Variants in ERICH2 observed in about 807,000 individuals in gnomAD.
ERICH2 encodes glutamate rich 2, also known as glutamate-rich protein 2.
ERICH2 carries 17 observed loss-of-function variants against 17.4 expected under a neutral mutation model. That is an observed-to-expected ratio of 0.98 (90% CI 0.67 to 1.47). ERICH2 has a LOEUF of 1.47. Among genes scored for constraint, ERICH2 ranks in the 40% most tolerant of loss-of-function variants. The pLI, the probability that ERICH2 is intolerant of heterozygous loss-of-function variation, is 0.00. For synonymous variants in ERICH2, 51 were observed against 61.1 expected (o/e 0.83, Z 0.77); for missense variants, 186 against 183.2 (o/e 1.01, Z -0.09).
In ERICH2 at chr2:170,784,969, G is replaced by A. The variant is rs542408980; in HGVS notation, c.216+136G>A. ...GCAGAACATAGAATGGTGGTTACCA[G>A]AAGCTGGACGGGAAGAAGGGAGATA... is the stretch of plus-strand genomic sequence containing the variant. On this transcript the variant is annotated intron_variant, in intron 2 of 4. Coordinates refer to ENST00000409885, the Ensembl canonical transcript of ERICH2. The A allele has an allele frequency of 1.9e-4, 126 of 675,502 alleles. 1 individual carries two copies. The East Asian group carries it at 2.4e-3, about 13-fold the overall frequency. 41.8% of individuals were successfully genotyped at this position (675,502 alleles called of 1,614,324 possible). A position where few individuals can be genotyped will look rare whatever the true frequency, so the allele number is the denominator to read the frequency against.
intron 2 of ERICH2, among the ~76,000 whole-genome samples, chr2:170,790,111 G>C (rs534937513): frequency 6.6e-6 from 1 of 152,088 alleles, no homozygotes; most frequent in East Asian, 1.9e-4. Flanking sequence ...AATTAAACTA[G>C]GCATTAACAA....
chr2:170,798,188 G>A (rs1701475718), intron 4 of ERICH2, 76 bp downstream of exon 9: 5 of 975,686 alleles, frequency 5.1e-6, no homozygotes, highest in Middle Eastern at 4.4e-4. Flanking sequence ...TATCCCGGGA[G>A]ATTGTCGATA....
chr2:170,772,335 A>C, the ERICH2 span, among the ~76,000 whole-genome samples: 1 of 152,332 alleles, frequency 6.6e-6, no homozygotes, highest in South Asian at 2.1e-4. Flanking sequence ...ACAATAGTAT[A>C]GGAGGAGGAG....
chr2:170,797,093 G>T (rs1207467349), intron 3 of ERICH2, among the ~76,000 whole-genome samples: 1 of 152,158 alleles, frequency 6.6e-6, no homozygotes, highest in African/African-American at 2.4e-5. Flanking sequence ...AAAACAATGG[G>T]TCCAATGAAG....
chr2:170,794,105 CTTTTTTTTTT>C (rs59152667), intron 3 of ERICH2, among the ~76,000 whole-genome samples: 29 of 88,170 alleles, frequency 3.3e-4, no homozygotes, highest in East Asian at 3.5e-4. Context: ...TCCTTTCTTT[CTTTTTTTTTT>C]TTTTTTTTTT....
chr2:170,771,892 T>A, the ERICH2 span, among the ~76,000 whole-genome samples: 72 of 152,224 alleles, frequency 4.7e-4, no homozygotes, highest in Non-Finnish European at 1.6e-4. The surrounding 1 kb of genome is among the most constrained non-coding windows in gnomAD (Gnocchi z 4.8). Flanking sequence ...CTTGGCTGAA[T>A]CTTATTTTTA....
chr2:170,772,450 T>A, the ERICH2 span, among the ~76,000 whole-genome samples: 1 of 152,320 alleles, frequency 6.6e-6, no homozygotes, highest in South Asian at 2.1e-4. Context: ...TAGGTGGTGT[T>A]TTTATCCACA....
At chr2:170,797,795 GAAAA>G (rs767126097) in intron 3 of ERICH2, among the ~76,000 whole-genome samples, 3,842 of 141,762 alleles carry the variant, frequency 0.027, 188 homozygotes, top group African/African-American at 0.095. Context: ...CTGTCTCAGG[GAAAA>G]AAAAAAAAAA....
intron 2 of ERICH2, among the ~76,000 whole-genome samples, chr2:170,790,376 C>A (rs1329299182): frequency 6.6e-6 from 1 of 152,180 alleles, no homozygotes; most frequent in African/African-American, 2.4e-5. Context: ...CCTGTAATCC[C>A]AGCACTTTGG....
intron 4 of ERICH2, 101 bp downstream of exon 9, chr2:170,798,213 G>C (rs1011600707): frequency 9.5e-6 from 8 of 838,016 alleles, no homozygotes; most frequent in Admixed American, 4.3e-5. Context: ...TTTAGGAAGT[G>C]GTTAAGAAAA....
At chr2:170,779,884 G>A, upstream of ERICH2, 1 of 973,126 alleles carries the variant, frequency 1.0e-6, no homozygotes, top group Non-Finnish European at 1.2e-6. Context: ...AACATTCTCA[G>A]AAAAGTAAGT....
intron 3 of ERICH2, among the ~76,000 whole-genome samples, chr2:170,797,301 G>A: frequency 6.6e-6 from 1 of 152,334 alleles, no homozygotes; most frequent in East Asian, 1.9e-4. Flanking sequence ...AGTAAAGGAT[G>A]TCATGTAGAT....
intron 2 of ERICH2, among the ~76,000 whole-genome samples, chr2:170,788,693 G>A (rs1181549979): frequency 1.3e-5 from 2 of 151,978 alleles, no homozygotes; most frequent in African/African-American, 4.8e-5. Flanking sequence ...TGGCCAGGAT[G>A]GTCTCAATCT....
At chr2:170,784,037 C>G (rs1038552099) in intron 1 of ERICH2, among the ~76,000 whole-genome samples, 30 of 152,134 alleles carry the variant, frequency 2.0e-4, no homozygotes, top group Admixed American at 6.6e-5. Context: ...CTATGAAGCT[C>G]TCCTAGATTT....
At chr2:170,784,779 T>G (rs1559252386) in exon 2 of ERICH2, 2 of 1,542,784 alleles carry the variant, frequency 1.3e-6, no homozygotes, top group Admixed American at 4.0e-5. Context: ...AAGATGATGA[T>G]GAAGATAGTA....
At chr2:170,779,967 TCTC>T, upstream of ERICH2, 1 of 417,126 alleles carries the variant, frequency 2.4e-6, no homozygotes, top group South Asian at 1.0e-4. Context: ...AAAATAGAAA[TCTC>T]CTGAAAGAAT....
At chr2:170,778,426 A>G in the ERICH2 span, among the ~76,000 whole-genome samples, 1 of 152,302 alleles carries the variant, frequency 6.6e-6, no homozygotes, top group East Asian at 1.9e-4. Flanking sequence ...TTTATTCTAA[A>G]TATTGACTGG....
intron 2 of ERICH2, among the ~76,000 whole-genome samples, chr2:170,792,434 T>C (rs920124054): frequency 2.0e-5 from 3 of 152,200 alleles, no homozygotes; most frequent in African/African-American, 7.2e-5. Context: ...CTGGATGATA[T>C]AAGAGCAATG....
At chr2:170,782,488 C>T (rs1575405767), upstream of ERICH2, 11 of 457,630 alleles carry the variant, frequency 2.4e-5, no homozygotes, top group Non-Finnish European at 2.6e-5. Flanking sequence ...AGATCTGGGG[C>T]GGGTCATGAG....
Sources: gnomAD v4.1 joint callset for allele counts (sites outside exome capture counted in the v4.1 genomes callset) on GRCh38, gnomAD v4.1.1 for gene constraint, Gnocchi (gnomAD v3.1) non-coding constraint, MANE v1.5 for transcripts, NCBI Gene and HGNC (gene_info 2026-07-23, HGNC 2026-07-21) for gene names.